The following MYL11 variants were observed in gnomAD, a reference collection of about 807,000 sequenced individuals.
The protein encoded by MYL11 is myosin light chain 11.
At chr16:30,371,885 C>T in the MYL11 span, among the ~76,000 whole-genome samples, 4 of 152,230 alleles carry the variant, frequency 2.6e-5, no homozygotes, top group Non-Finnish European at 5.9e-5. Flanking sequence ...TCCAACCTTC[C>T]AACTTCTAAA....
chr16:30,371,978 G>A, the MYL11 span, among the ~76,000 whole-genome samples: 2 of 152,088 alleles, frequency 1.3e-5, no homozygotes, highest in Admixed American at 6.5e-5. Flanking sequence ...CCTAGCTCCC[G>A]ACTTCTCAGC....
At chr16:30,377,861 C>T in the MYL11 span, 1 of 1,613,934 alleles carries the variant, frequency 6.2e-7, no homozygotes, top group Non-Finnish European at 8.5e-7. Context: ...AAAACATCTG[C>T]TACGTCATCA....
At chr16:30,374,356 A>T in the MYL11 span, among the ~76,000 whole-genome samples, 2 of 150,416 alleles carry the variant, frequency 1.3e-5, no homozygotes. Context: ...TATGTTGCCC[A>T]GGCTGGTCCT....
chr16:30,372,099 G>A, the MYL11 span, among the ~76,000 whole-genome samples: 2,126 of 152,032 alleles, frequency 0.014, 22 homozygotes, highest in Non-Finnish European at 0.026. Context: ...CCCATCTCCC[G>A]TTTGACCCAA....
the MYL11 span, chr16:30,376,070 T>A: frequency 6.4e-7 from 1 of 1,553,118 alleles, no homozygotes; most frequent in Admixed American, 1.7e-5. Context: ...AGAGCCAGCA[T>A]CTGATCCTCC....
chr16:30,377,624 C>A, the MYL11 span: 21 of 1,453,374 alleles, frequency 1.4e-5, no homozygotes, highest in Non-Finnish European at 1.7e-5. Flanking sequence ...GGAACCCAAT[C>A]GCAACTCCCC....
At chr16:30,376,352 T>C in the MYL11 span, 1 of 1,557,264 alleles carries the variant, frequency 6.4e-7, no homozygotes. Context: ...TGGGATCAGC[T>C]GAATTAGTGG....
chr16:30,377,607 G>A, the MYL11 span: 7 of 1,431,004 alleles, frequency 4.9e-6, no homozygotes, highest in Non-Finnish European at 6.5e-6. Flanking sequence ...GGAGTGGAAA[G>A]GAACCAGGAA....
chr16:30,374,036 G>A, the MYL11 span, among the ~76,000 whole-genome samples: 1 of 152,098 alleles, frequency 6.6e-6, no homozygotes, highest in East Asian at 1.9e-4. Flanking sequence ...ACGGGGGCCA[G>A]GCGCAGTGGC....
At chr16:30,374,689 GA>G in the MYL11 span, 1 of 703,484 alleles carries the variant, frequency 1.4e-6, no homozygotes, top group Non-Finnish European at 2.2e-6. Flanking sequence ...GAGAGGCCCT[GA>G]GTTGGGCTAT....
At chr16:30,377,512 C>G in the MYL11 span, 1 of 798,398 alleles carries the variant, frequency 1.3e-6, no homozygotes, top group South Asian at 3.3e-5. Context: ...AGGGCAAAAG[C>G]GAGTGTCTGG....
At chr16:30,374,311 T>C in the MYL11 span, among the ~76,000 whole-genome samples, 1 of 147,640 alleles carries the variant, frequency 6.8e-6, no homozygotes, top group Admixed American at 6.7e-5. Flanking sequence ...AGCGAGACTG[T>C]CTAAAAAAAA....
chr16:30,377,601 T>C, the MYL11 span: 1 of 1,395,888 alleles, frequency 7.2e-7, no homozygotes, highest in Non-Finnish European at 9.4e-7. Flanking sequence ...TGCGAGGGAG[T>C]GGAAAGGAAC....
At chr16:30,373,501 C>T in the MYL11 span, among the ~76,000 whole-genome samples, 1 of 151,464 alleles carries the variant, frequency 6.6e-6, no homozygotes, top group Non-Finnish European at 1.5e-5. Context: ...GAGGCTGAAG[C>T]AGGAGAATCA....
At chr16:30,376,773 A>C in the MYL11 span, 7 of 1,430,564 alleles carry the variant, frequency 4.9e-6, no homozygotes, top group African/African-American at 1.4e-5. Flanking sequence ...AGCCTCCTTA[A>C]ATTTCTACCA....
chr16:30,374,711 G>A, the MYL11 span: 2 of 971,244 alleles, frequency 2.1e-6, no homozygotes, highest in South Asian at 1.9e-5. Flanking sequence ...TTTGGTATCT[G>A]GGGTGGGCAC....
chr16:30,371,825 C>T, the MYL11 span, among the ~76,000 whole-genome samples: 1 of 152,146 alleles, frequency 6.6e-6, no homozygotes, highest in Non-Finnish European at 1.5e-5. Flanking sequence ...ATCTCATGAG[C>T]GCTCCAGGTT....
chr16:30,375,428 G>A, the MYL11 span, among the ~76,000 whole-genome samples: 10 of 146,884 alleles, frequency 6.8e-5, no homozygotes, highest in Admixed American at 1.4e-4. Flanking sequence ...TCGCAGCACC[G>A]CACTCCAGCC....
At chr16:30,375,455 ACT>A in the MYL11 span, among the ~76,000 whole-genome samples, 1 of 141,382 alleles carries the variant, frequency 7.1e-6, no homozygotes, top group Non-Finnish European at 1.5e-5. Context: ...ACAGAGCAAG[ACT>A]CTGTCTCAAA....
Sources: gnomAD v4.1 joint callset for allele counts (sites outside exome capture counted in the v4.1 genomes callset) on GRCh38, gnomAD v4.1.1 for gene constraint, MANE v1.5 for transcripts, NCBI Gene and HGNC (gene_info 2026-07-23, HGNC 2026-07-21) for gene names.